Variants in MTOR observed in about 807,000 individuals in gnomAD.
The protein encoded by MTOR is mechanistic target of rapamycin kinase.
MTOR carries 70 observed loss-of-function variants against 319.8 expected under a neutral mutation model. The ratio of observed to expected loss-of-function variants is 0.22; its 90% CI spans 0.18 to 0.27. The LOEUF (loss-of-function observed/expected upper bound fraction) is 0.27, where lower values mean the gene tolerates loss of function less well. MTOR is among the 10% of genes least tolerant of loss of function. MTOR has a pLI of 1.00. For missense variants in MTOR, 1,890 were observed against 3,274.4 expected (o/e 0.58, Z 10.32); for synonymous variants, 1,183 against 1,211.4 (o/e 0.98, Z 0.49).
intron 6 of MTOR, among the ~76,000 whole-genome samples, chr1:11,253,234 A>G (rs1649931716): frequency 6.6e-6 from 1 of 152,080 alleles, no homozygotes; most frequent in Non-Finnish European, 1.5e-5. Context: ...AAATCCATGC[A>G]CTTTTAAATC....
rs1360733218 is a variant in MTOR at position 11,243,254 on chromosome 1, G to C, written c.1272C>G (p.Val424=). 1 of 1,614,050 alleles carries C rather than the reference G, an allele frequency of 6.2e-7. No individual in the cohort carries two copies. The highest frequency in any genetic ancestry group is 1.7e-5 in the Admixed American group (1 of 60,000). ...QDTMNHVLSC[V]KKEKERTAAF... Reference sequence around the variant, plus strand: ...CCGCTGTACGTTCCTTCTCCTTCTTGACACAGCTTAGGACATGGTTCATGG... The same window carrying C: ...CCGCTGTACGTTCCTTCTCCTTCTTCACACAGCTTAGGACATGGTTCATGG... The change falls in exon 9 of 58, where the codon GTC becomes GTG. Residue 424 remains valine (V), a synonymous_variant. Transcript: ENST00000361445.
intron 30 of MTOR, among the ~76,000 whole-genome samples, chr1:11,153,492 T>G (rs979330057): frequency 2.0e-5 from 3 of 152,236 alleles, no homozygotes; most frequent in African/African-American, 7.2e-5. Flanking sequence ...AGAGTTGAAT[T>G]TTAAGAACAC....
chr1:11,221,284 C>T (rs1007356201), intron 19 of MTOR, among the ~76,000 whole-genome samples: 2 of 152,038 alleles, frequency 1.3e-5, no homozygotes, highest in African/African-American at 2.4e-5. Flanking sequence ...TGTGAGCCAC[C>T]ACGCTCAGCC....
chr1:11,250,059 A>T (rs1453704481), intron 6 of MTOR, among the ~76,000 whole-genome samples: 3 of 127,594 alleles, frequency 2.4e-5, no homozygotes, highest in Non-Finnish European at 4.9e-5. Context: ...TGACCCCCAC[A>T]CCTCCCTCCC....
In MTOR at chr1:11,122,071, C is replaced by G. The variant is rs773894953; in HGVS notation, c.6718G>C (p.Val2240Leu). Reference protein sequence around the residue: ...LSTNSGLIGWVPHCDTLHALI... With the variant: ...LSTNSGLIGWLPHCDTLHALI... ...GCGTGCAGTGTGTCACAGTGGGGAA[C>G]CCAGCCAATGAGGCCCGAGTTGGTC... Residue 2240 changes from valine to leucine, a missense_variant, in exon 48 of 58, where the codon GTT becomes CTT. Physicochemically the swap from Val to Leu is conservative, Grantham distance 32. This residue lies in a region of MTOR where 249 missense variants were observed against 596.2 expected (regional missense o/e 0.42). Transcript: ENST00000361445. The G allele has an allele frequency of 6.2e-7, 1 of 1,614,246 alleles. No homozygotes were observed.
chr1:11,197,041 G>C (rs1645810114), intron 28 of MTOR, among the ~76,000 whole-genome samples: 1 of 152,114 alleles, frequency 6.6e-6, no homozygotes, highest in Non-Finnish European at 1.5e-5. Flanking sequence ...AGCCTGTGGG[G>C]GTTGGGGGAG....
At position 11,109,582 on chromosome 1, in the gene MTOR, G is replaced by T; in HGVS notation, c.7447+67C>A. 6.7e-7 allele frequency: 1 copy of T among 1,491,482 alleles called. No individual in the cohort carries two copies. Among genetic ancestry groups the T allele is most frequent in the Non-Finnish European group, 9.4e-7 (1 of 1,068,700 alleles). The allele number at this position is 1,491,482 out of a possible 1,614,324, so 92.4% of individuals were successfully genotyped here. On this transcript the variant is annotated intron_variant, in intron 55 of 57. Transcript: ENST00000361445. This position sits in a 1 kb window ranked among gnomAD's most constrained non-coding sequence, Gnocchi z 4.0. ...CTTCATCTTGTTGACCCCTCTCAGG[G>T]TATAACACAGCTGCTATTTTCTTAA...
intron 19 of MTOR, among the ~76,000 whole-genome samples, chr1:11,219,506 A>T (rs1457890535): frequency 6.6e-6 from 1 of 152,206 alleles, no homozygotes; most frequent in African/African-American, 2.4e-5. Flanking sequence ...GTAAATGCAC[A>T]TCCTCTCTGG....
intron 19 of MTOR, among the ~76,000 whole-genome samples, chr1:11,222,156 T>C (rs1569635726): frequency 1.3e-5 from 2 of 151,964 alleles, no homozygotes; most frequent in Middle Eastern, 3.4e-3. Context: ...ATTACCTCAG[T>C]AGTTGATTAT....
intron 19 of MTOR, among the ~76,000 whole-genome samples, chr1:11,224,606 A>G (rs1228572040): frequency 6.6e-6 from 1 of 152,254 alleles, no homozygotes; most frequent in Non-Finnish European, 1.5e-5. Flanking sequence ...CCATAACGTT[A>G]GCAAATACAC....
intron 30 of MTOR, among the ~76,000 whole-genome samples, chr1:11,156,608 C>T (rs4282823): frequency 0.098 from 14,839 of 152,154 alleles, 1,230 homozygotes; most frequent in African/African-American, 0.2. Context: ...GCATGGCTCA[C>T]ACATTATCAA....
intron 19 of MTOR, among the ~76,000 whole-genome samples, chr1:11,217,384 C>A (rs1366201782): frequency 6.6e-6 from 1 of 151,708 alleles, no homozygotes; most frequent in Non-Finnish European, 1.5e-5. Context: ...ATATTTGACA[C>A]CCCTTCCCCC....
At position 11,258,481 on chromosome 1, in the gene MTOR, T is replaced by C; in HGVS notation, c.271+4A>G. ...GTTTTTGTGACCAGAGACTCTGTCC[T>C]TACCTATGGCCAAGATGCCACCTTT... is the stretch of plus-strand genomic sequence containing the variant. On this transcript the variant is annotated splice_donor_region_variant and intron_variant, in intron 3 of 57. Transcript: ENST00000361445. 1.9e-6 allele frequency: 3 copies of C among 1,607,680 alleles called. No homozygotes were observed. The highest frequency in any genetic ancestry group is 2.6e-6 in the Non-Finnish European group (3 of 1,174,644).
intron 32 of MTOR, 108 bp downstream of exon 32, chr1:11,146,568 G>A (rs1016056758): frequency 4.3e-5 from 35 of 808,012 alleles, no homozygotes; most frequent in Non-Finnish European, 7.4e-5. Context: ...ACAGAGCCGA[G>A]TAAACATCAG....
chr1:11,151,110 C>T (rs1394909135), intron 30 of MTOR, among the ~76,000 whole-genome samples: 2 of 152,158 alleles, frequency 1.3e-5, no homozygotes, highest in Non-Finnish European at 2.9e-5. Context: ...GGAACATGAG[C>T]TGCTCTGCGC....
chr1:11,175,539 C>T (rs1644955317), intron 28 of MTOR, among the ~76,000 whole-genome samples: 1 of 152,206 alleles, frequency 6.6e-6, no homozygotes, highest in Non-Finnish European at 1.5e-5. Flanking sequence ...GCAAACATCA[C>T]ACCATTACGC....
chr1:11,167,477 C>T lies in MTOR; in HGVS notation c.4294G>A (p.Val1432Met). ...AAGTGTTTCATGGCATATTCTAACA[C>T]TCCGGCCGCTGCCTCCGGCTGCTGT... ...KLQQPEAAAG[V>M]LEYAMKHFGE... The change falls in exon 29 of 58, where the codon GTG becomes ATG. Residue 1432 changes from valine (V) to methionine (M), a missense_variant. Val to Met is a conservative substitution (Grantham distance 21). Coordinates refer to ENST00000361445, the MANE Select transcript of MTOR (RefSeq NM_004958.4). 6.2e-7 allele frequency: 1 copy of T among 1,613,576 alleles called. No homozygotes were observed. The highest frequency in any genetic ancestry group is 8.5e-7 in the Non-Finnish European group (1 of 1,179,920).
intron 49 of MTOR, among the ~76,000 whole-genome samples, chr1:11,117,712 G>A (rs977103028): frequency 1.1e-4 from 16 of 152,062 alleles, no homozygotes; most frequent in Non-Finnish European, 2.1e-4. Flanking sequence ...TTAACACCAT[G>A]GAACTTGAGA....
chr1:11,114,663 C>A, intron 52 of MTOR, 150 bp downstream of exon 52: 1 of 1,003,438 alleles, frequency 1.0e-6, no homozygotes, highest in Non-Finnish European at 1.5e-6. Context: ...ATAGATAGGT[C>A]ATTTCTAACA....
Sources: allele counts gnomAD v4.1 joint callset (sites outside exome capture counted in the v4.1 genomes callset), GRCh38; gene constraint gnomAD v4.1.1; regional missense constraint gnomAD v4.1.1; non-coding constraint Gnocchi (gnomAD v3.1); transcripts MANE v1.5; gene names NCBI Gene and HGNC (gene_info 2026-07-23, HGNC 2026-07-21).